LRMDA: variants seen among roughly 807,000 people sequenced by gnomAD.
LRMDA encodes leucine-rich melanocyte differentiation-associated protein.
A neutral mutation model predicts 29.8 loss-of-function variants in LRMDA; 18 were observed. That is an observed-to-expected ratio of 0.60 (90% CI 0.42 to 0.90). The LOEUF is 0.90. Among genes scored for constraint, LRMDA ranks in the 40% least tolerant of loss-of-function variants. LRMDA has a pLI of 0.00. For missense variants in LRMDA, 273 were observed against 273.9 expected (o/e 1.00, Z 0.02); for synonymous variants, 125 against 109.4 (o/e 1.14, Z -0.89).
chr10:75,450,645 T>G (rs949336907), intron 2 of LRMDA: 1 of 152,210 alleles, frequency 6.6e-6, no homozygotes, highest in African/African-American at 2.4e-5. Flanking sequence ...TGGATTTATT[T>G]ATAAGGTAGA....
chr10:76,483,145 A>G (rs768333572), intron 6 of LRMDA, among the ~76,000 whole-genome samples: 11 of 151,942 alleles, frequency 7.2e-5, no homozygotes, highest in Non-Finnish European at 1.2e-4. Context: ...TCCTTCCCAC[A>G]TTGTAGTTTG....
intron 2 of LRMDA, among the ~76,000 whole-genome samples, chr10:75,911,339 G>T (rs1845839737): frequency 6.6e-6 from 1 of 152,086 alleles, no homozygotes; most frequent in Non-Finnish European, 1.5e-5. Context: ...GGTGGCATGG[G>T]GGGAGCACAG....
chr10:76,070,937 G>C (rs1175505251), intron 5 of LRMDA, among the ~76,000 whole-genome samples: 1 of 152,118 alleles, frequency 6.6e-6, no homozygotes, highest in East Asian at 1.9e-4. Flanking sequence ...GGGACGGGAG[G>C]CTCCTTGCCA....
intron 2 of LRMDA, among the ~76,000 whole-genome samples, chr10:75,592,145 G>A (rs753152947): frequency 1.3e-5 from 2 of 152,044 alleles, no homozygotes; most frequent in Non-Finnish European, 2.9e-5. Flanking sequence ...ATGAGCTGGG[G>A]TGCAAGGGCC....
chr10:76,202,406 G>T (rs1208727637), intron 5 of LRMDA, among the ~76,000 whole-genome samples: 1 of 152,118 alleles, frequency 6.6e-6, no homozygotes, highest in Non-Finnish European at 1.5e-5. Context: ...TTAATGAATT[G>T]AAAGATTGTC....
At chr10:75,979,616 C>T (rs996798024) in intron 2 of LRMDA, among the ~76,000 whole-genome samples, 1 of 152,148 alleles carries the variant, frequency 6.6e-6, no homozygotes, top group African/African-American at 2.4e-5. Context: ...TGCTGATAAA[C>T]GCATCTTGTT....
chr10:76,291,154 C>T (rs558147824), intron 5 of LRMDA, among the ~76,000 whole-genome samples: 1 of 152,298 alleles, frequency 6.6e-6, no homozygotes, highest in South Asian at 2.1e-4. Flanking sequence ...AAGTTTTTCT[C>T]TGTCTTAGGA....
At chr10:75,938,935 G>A (rs967279928) in intron 2 of LRMDA, among the ~76,000 whole-genome samples, 3 of 152,172 alleles carry the variant, frequency 2.0e-5, no homozygotes, top group African/African-American at 7.2e-5. Context: ...TCCTCTCCGT[G>A]CCCAGAGGCG....
chr10:76,494,381 A>G (rs1301970840), intron 6 of LRMDA, among the ~76,000 whole-genome samples: 5 of 149,008 alleles, frequency 3.4e-5, no homozygotes, highest in African/African-American at 7.4e-5. Context: ...AAAATTTTCA[A>G]TTTTTTCTTA....
chr10:76,473,067 T>C (rs978227940), intron 6 of LRMDA, among the ~76,000 whole-genome samples: 2 of 151,466 alleles, frequency 1.3e-5, no homozygotes, highest in Non-Finnish European at 3.0e-5. Context: ...AAAGGCATCA[T>C]AAGAAAGAAA....
At chr10:75,562,828 T>G (rs1840316615) in intron 2 of LRMDA, among the ~76,000 whole-genome samples, 1 of 152,170 alleles carries the variant, frequency 6.6e-6, no homozygotes, top group Non-Finnish European at 1.5e-5. Context: ...GATTGAAAAT[T>G]CTTTTCTTTA....
At chr10:76,067,629 G>A (rs147523534) in intron 5 of LRMDA, among the ~76,000 whole-genome samples, 337 of 152,256 alleles carry the variant, frequency 2.2e-3, no homozygotes, top group Middle Eastern at 0.01. Context: ...GGGTGAGCTT[G>A]ACAAATCCTT....
chr10:75,476,633 C>A (rs1347822288), intron 2 of LRMDA, among the ~76,000 whole-genome samples: 1 of 152,136 alleles, frequency 6.6e-6, no homozygotes, highest in Non-Finnish European at 1.5e-5. Context: ...ACCTTGGAGC[C>A]AGCAGATGAC....
At chr10:75,442,201 A>G (rs1311452605) in intron 2 of LRMDA, among the ~76,000 whole-genome samples, 3 of 152,384 alleles carry the variant, frequency 2.0e-5, no homozygotes, top group Non-Finnish European at 2.9e-5. Context: ...ACATGCATAC[A>G]TTGTGAGATG....
chr10:75,541,402 C>CT (rs35660494), intron 2 of LRMDA, among the ~76,000 whole-genome samples: 5,553 of 136,828 alleles, frequency 0.041, 255 homozygotes, highest in African/African-American at 0.11. Context: ...TCCCCACAAA[C>CT]TTTTTTTTTT....
intron 2 of LRMDA, among the ~76,000 whole-genome samples, chr10:75,466,699 A>G (rs1194050164): frequency 6.6e-6 from 1 of 152,034 alleles, no homozygotes; most frequent in Non-Finnish European, 1.5e-5. Flanking sequence ...AGCATTTTCC[A>G]TCTGAGGTGA....
chr10:76,250,242 A>C (rs1401389596), intron 5 of LRMDA, among the ~76,000 whole-genome samples: 2 of 152,186 alleles, frequency 1.3e-5, no homozygotes, highest in Non-Finnish European at 2.9e-5. Context: ...TTGTGAAGCA[A>C]GATTGAAAGA....
intron 2 of LRMDA, among the ~76,000 whole-genome samples, chr10:75,463,096 A>G (rs1844606741): frequency 6.6e-6 from 1 of 152,158 alleles, no homozygotes; most frequent in Admixed American, 6.5e-5. Context: ...CTGAGGGTGG[A>G]GGAATGCTCC....
At chr10:76,224,667 C>CT (rs35143239) in intron 5 of LRMDA, among the ~76,000 whole-genome samples, 4,886 of 105,274 alleles carry the variant, frequency 0.046, 153 homozygotes, top group African/African-American at 0.084. Context: ...GTCTAGGACT[C>CT]TTTTTTTTTT....
Sources: gnomAD v4.1 joint callset for allele counts (sites outside exome capture counted in the v4.1 genomes callset) on GRCh38, gnomAD v4.1.1 for gene constraint, MANE v1.5 for transcripts, NCBI Gene and HGNC (gene_info 2026-07-23, HGNC 2026-07-21) for gene names.